MECOM: variants seen among roughly 807,000 people sequenced by gnomAD.
The protein encoded by MECOM is histone-lysine N-methyltransferase MECOM.
MECOM carries 13 observed loss-of-function variants against 116.3 expected under a neutral mutation model. The observed-to-expected ratio is 0.11, with a 90% CI of 0.07 to 0.18. The LOEUF (loss-of-function observed/expected upper bound fraction) is 0.18. Ranked by LOEUF, MECOM falls within the 10% of genes least tolerant of loss-of-function variation. The pLI is 1.00. For missense variants in MECOM, 1,299 were observed against 1,509.0 expected, an observed-to-expected ratio of 0.86 and a Z score of 2.31; for synonymous variants, 528 against 535.2, an observed-to-expected ratio of 0.99 and a Z score of 0.19.
chr3:169,405,303 A>G (rs1469743775), intron 1 of MECOM, among the ~76,000 whole-genome samples: 1 of 152,040 alleles, frequency 6.6e-6, no homozygotes, highest in Admixed American at 6.6e-5. Context: ...TCTGAGAGAT[A>G]CAACTGCATA....
chr3:169,153,234 C>T (rs1190909649), intron 2 of MECOM, among the ~76,000 whole-genome samples: 3 of 152,084 alleles, frequency 2.0e-5, no homozygotes, highest in Non-Finnish European at 2.9e-5. Flanking sequence ...GGATGTTTAA[C>T]TCTTTGATGT....
chr3:169,094,846 C>T (rs923812577), intron 13 of MECOM, among the ~76,000 whole-genome samples: 1 of 152,098 alleles, frequency 6.6e-6, no homozygotes, highest in African/African-American at 2.4e-5. Flanking sequence ...CTTAAAATTA[C>T]CCATTAGGAA....
At chr3:169,446,649 G>T (rs535256088) in intron 1 of MECOM, among the ~76,000 whole-genome samples, 1 of 152,258 alleles carries the variant, frequency 6.6e-6, no homozygotes, top group African/African-American at 2.4e-5. Flanking sequence ...TATGTGTGTT[G>T]TGCGTTATCT....
intron 1 of MECOM, among the ~76,000 whole-genome samples, chr3:169,527,926 G>A (rs917315193): frequency 6.6e-5 from 10 of 152,184 alleles, no homozygotes; most frequent in Non-Finnish European, 5.9e-5. Context: ...TCATCTGTCT[G>A]TCTATAGAAG....
At chr3:169,190,291 G>C (rs1010339047) in intron 2 of MECOM, among the ~76,000 whole-genome samples, 4 of 151,922 alleles carry the variant, frequency 2.6e-5, no homozygotes, top group African/African-American at 9.7e-5. Context: ...ATAAAGTCGG[G>C]AGTCTTTTCC....
chr3:169,502,237 C>T (rs533153393), intron 1 of MECOM, among the ~76,000 whole-genome samples: 16 of 152,206 alleles, frequency 1.1e-4, no homozygotes, highest in African/African-American at 2.6e-4. Context: ...CCAAATTAGA[C>T]CACTCATTGG....
intron 16 of MECOM, among the ~76,000 whole-genome samples, chr3:169,085,486 T>C (rs1268219422): frequency 6.6e-6 from 1 of 152,180 alleles, no homozygotes; most frequent in Admixed American, 6.5e-5. Flanking sequence ...CTACACTTTA[T>C]AACCGAAAGC....
chr3:169,121,355 C>G, intron 6 of MECOM, 146 bp from the exon 7 acceptor site: 2 of 760,070 alleles, frequency 2.6e-6, no homozygotes, highest in East Asian at 5.5e-5. Flanking sequence ...CTCTAATTTC[C>G]AAAATGTACT....
Position 169,116,534 on chromosome 3 carries a change from A to T in MECOM, c.1338T>A (p.Pro446=), listed in dbSNP as rs772717863. Residue 446 remains proline (P), a synonymous_variant, in exon 8 of 17, where the codon CCT becomes CCA. Transcript: ENST00000651503. ...ACGTTTTATCCATAGCTGGGGTTCC[A>T]GGAAGTGAAATGCCTTGGCCAAAAA... ...GGFFGQGISL[P]GTPAMDKTSM... is the part of the protein sequence containing the mutation. 6.2e-6 allele frequency: 10 copies of T among 1,614,096 alleles called. No homozygotes were observed. Among genetic ancestry groups the T allele is most frequent in the East Asian group, 4.5e-5 (2 of 44,898 alleles).
At chr3:169,309,001 A>G (rs1577667999) in intron 2 of MECOM, among the ~76,000 whole-genome samples, 1 of 152,204 alleles carries the variant, frequency 6.6e-6, no homozygotes, top group Non-Finnish European at 1.5e-5. Context: ...AGCTGATCAC[A>G]GGGTACAGGT....
At position 169,646,131 on chromosome 3, in the gene MECOM, C is replaced by A. The variant is rs1774148177; in HGVS notation, c.37+17205G>T. Among the ~76,000 whole-genome samples the A allele has an allele frequency of 2.0e-5, 3 of 152,010 alleles. No individual in the cohort carries two copies. The South Asian group carries it at 6.3e-4, about 32-fold the overall frequency. ...TGTATATGTACCACATTTTCTTAAT[C>A]CAGTCTATCACTGATGGACATTTGG... On this transcript the variant is annotated intron_variant, in intron 1 of 16. Transcript: ENST00000651503.
rs1255613781 is a variant in MECOM at position 169,594,174 on chromosome 3, A to AAAAAAAAAAAAAAAAC, written c.37+69161_37+69162insGTTTTTTTTTTTTTTT. Among the ~76,000 whole-genome samples, 25 of 125,930 alleles carry AAAAAAAAAAAAAAAAC rather than the reference A, an allele frequency of 2.0e-4. 1 individual carries two copies. Among genetic ancestry groups the AAAAAAAAAAAAAAAAC allele is most frequent in the African/African-American group, 5.5e-4 (17 of 31,040 alleles). 82.6% of individuals were successfully genotyped at this position (125,930 alleles called of 152,430 possible). A position where few individuals can be genotyped will look rare whatever the true frequency, so the allele number is the denominator to read the frequency against. ...CACCACAAAAAAAAAAAAAAAAAAA[A>AAAAAAAAAAAAAAAAC]AACACCTTTTCACCTAAGTACCTCA... On this transcript the variant is annotated intron_variant, in intron 1 of 16. Transcript: ENST00000651503.
At chr3:169,390,571 T>TA (rs953218118) in intron 1 of MECOM, among the ~76,000 whole-genome samples, 10 of 151,270 alleles carry the variant, frequency 6.6e-5, no homozygotes, top group African/African-American at 1.9e-4. Context: ...TTACTTCCTT[T>TA]AAAAAAAAAG....
In MECOM at chr3:169,115,571, T is replaced by C; in HGVS notation, c.2301A>G (p.Thr767=). Reference sequence around the variant, plus strand: ...TTAGATCCAGGGGCTGGTCTTGGCTTGTGGCAGGTGTCACTGGAGGCTTGG... The same window carrying C: ...TTAGATCCAGGGGCTGGTCTTGGCTCGTGGCAGGTGTCACTGGAGGCTTGG... ...VPSKPPVTPA[T]SQDQPLDLSM... The change falls in exon 8 of 17, where the codon ACA becomes ACG. Residue 767 remains threonine, a synonymous_variant. Transcript: ENST00000651503. 6.2e-7 allele frequency: 1 copy of C among 1,614,106 alleles called. No individual in the cohort carries two copies. Among genetic ancestry groups the C allele is most frequent in the Non-Finnish European group, 8.5e-7 (1 of 1,180,000 alleles).
intron 1 of MECOM, among the ~76,000 whole-genome samples, chr3:169,418,775 C>G (rs1739184512): frequency 8.4e-6 from 1 of 119,634 alleles, no homozygotes; most frequent in South Asian, 2.9e-4. Context: ...TTATGACAAA[C>G]CCACAGCCAA....
chr3:169,292,747 T>A (rs149729381), intron 2 of MECOM, among the ~76,000 whole-genome samples: 71 of 152,312 alleles, frequency 4.7e-4, no homozygotes, highest in African/African-American at 1.5e-3. Flanking sequence ...CATCAGGGTT[T>A]CCTAAATCAG....
intron 1 of MECOM, among the ~76,000 whole-genome samples, chr3:169,404,713 C>T (rs764476374): frequency 5.3e-5 from 8 of 152,188 alleles, no homozygotes; most frequent in Non-Finnish European, 1.0e-4. Flanking sequence ...AAGGCTCTGG[C>T]CACCCCGCCG....
At chr3:169,504,208 G>T (rs192768100) in intron 1 of MECOM, among the ~76,000 whole-genome samples, 68 of 135,170 alleles carry the variant, frequency 5.0e-4, no homozygotes, top group African/African-American at 1.6e-3. Context: ...TTAAATGGCT[G>T]CACAACCTAA....
chr3:169,160,173 T>C (rs945853884), intron 2 of MECOM, among the ~76,000 whole-genome samples: 2 of 152,068 alleles, frequency 1.3e-5, no homozygotes, highest in Admixed American at 6.6e-5. Flanking sequence ...TGGAAACATA[T>C]AGAGCCAGAG....
Sources: gnomAD v4.1 joint callset for allele counts (sites outside exome capture counted in the v4.1 genomes callset) on GRCh38, gnomAD v4.1.1 for gene constraint, MANE v1.5 for transcripts, NCBI Gene and HGNC (gene_info 2026-07-23, HGNC 2026-07-21) for gene names.